MTARC1: variants seen among roughly 807,000 people sequenced by gnomAD.
MTARC1 encodes the protein mitochondrial amidoxime-reducing component 1.
MTARC1 carries 24 observed loss-of-function variants against 33.6 expected under a neutral mutation model. The ratio of observed to expected loss-of-function variants is 0.72; its 90% CI spans 0.52 to 1.01. The LOEUF is 1.01. Ranked by LOEUF, MTARC1 falls within the 50% of genes least tolerant of loss-of-function variation. The pLI is 0.00. For missense variants in MTARC1, 417 were observed against 445.7 expected, an observed-to-expected ratio of 0.94 and a Z score of 0.58; for synonymous variants, 187 against 189.5, an observed-to-expected ratio of 0.99 and a Z score of 0.11.
intron 6 of MTARC1, chr1:220,808,971 GGGTACTC>G: frequency 2.2e-6 from 1 of 450,776 alleles, no homozygotes; most frequent in Admixed American, 2.7e-5. Flanking sequence ...GTTACTGCAT[GGGTACTC>G]AAAAAAAAAA....
intron 1 of MTARC1, among the ~76,000 whole-genome samples, chr1:220,788,318 C>T (rs1265701013): frequency 6.6e-6 from 1 of 152,164 alleles, no homozygotes; most frequent in Non-Finnish European, 1.5e-5. Context: ...TATTGTGAGG[C>T]TGCACTTGAA....
In MTARC1 at chr1:220,815,549, T is replaced by A. The variant is rs1387305964; in HGVS notation, c.*2131T>A. ...CTCACAGTGTGAGGAAGATTCCTGT[T>A]TGAAGAGAGAAGTTCCAGTGACCTC... On this transcript the variant is annotated 3_prime_UTR_variant, in exon 7 of 7. Coordinates refer to ENST00000366910, the MANE Select transcript of MTARC1 (RefSeq NM_022746.4). 6.6e-6 allele frequency: 1 copy of A among 152,220 alleles called. No homozygotes were observed. 9.4% of individuals were successfully genotyped at this position (152,220 alleles called of 1,614,324 possible).
intron 1 of MTARC1, among the ~76,000 whole-genome samples, chr1:220,789,308 T>C (rs938906302): frequency 2.6e-5 from 4 of 152,136 alleles, no homozygotes; most frequent in Non-Finnish European, 4.4e-5. Context: ...GGATGGGGTA[T>C]GCTAGGGGAA....
intron 2 of MTARC1, among the ~76,000 whole-genome samples, chr1:220,795,938 T>C (rs1424814694): frequency 6.6e-6 from 1 of 152,304 alleles, no homozygotes; most frequent in East Asian, 1.9e-4. Context: ...GCAGTGGTAA[T>C]GGTCTTGCAT....
chr1:220,798,377 TGTTTA>T (rs1372910365), intron 4 of MTARC1: 1 of 1,189,174 alleles, frequency 8.4e-7, no homozygotes, highest in East Asian at 5.7e-5. Flanking sequence ...ATGGTCTTAC[TGTTTA>T]GTAGACGGCT....
At position 220,818,690 on chromosome 1, in the gene MTARC1, G is replaced by C. The variant is rs888837761; in HGVS notation, c.*5272G>C. 1.3e-5 allele frequency: 2 copies of C among 152,078 alleles called. No homozygotes were observed. Among genetic ancestry groups the C allele is most frequent in the Non-Finnish European group, 2.9e-5 (2 of 68,010 alleles). 9.4% of individuals were successfully genotyped at this position (152,078 alleles called of 1,614,324 possible). A position where few individuals can be genotyped will look rare whatever the true frequency, so the allele number is the denominator to read the frequency against. ...GGGAACTAAGTTAAGTCTAACTTTTGTCTCCCTCTTTAGAATTTACTGGGA... is the reference window on the plus strand; with the variant it reads ...GGGAACTAAGTTAAGTCTAACTTTTCTCTCCCTCTTTAGAATTTACTGGGA... On this transcript the variant is annotated 3_prime_UTR_variant, in exon 7 of 7. Transcript: ENST00000366910.
intron 4 of MTARC1, among the ~76,000 whole-genome samples, chr1:220,800,822 C>T (rs912537417): frequency 1.1e-4 from 17 of 152,222 alleles, no homozygotes; most frequent in Admixed American, 3.3e-4. Flanking sequence ...CCCCAAACTG[C>T]GAACCACCCC....
At chr1:220,787,257 G>A in intron 1 of MTARC1, 38 bp downstream of exon 1, 1 of 1,534,788 alleles carries the variant, frequency 6.5e-7, no homozygotes, top group Non-Finnish European at 8.7e-7. Flanking sequence ...CGCTGATCCG[G>A]CTCGGGGCAA....
chr1:220,803,814 C>T (rs1186605536), intron 4 of MTARC1, among the ~76,000 whole-genome samples: 1 of 151,788 alleles, frequency 6.6e-6, no homozygotes, highest in African/African-American at 2.4e-5. Flanking sequence ...TTTTTGTGAC[C>T]ATAGTGCCCC....
chr1:220,791,618 C>G lies in MTARC1; in HGVS notation c.403C>G (p.Leu135Val). ...CAGTGCAGCCTACACAAAGGACCTA[C>G]TACTGCCTATCAAAACGCCCACCAC... ...TLSAAYTKDL[L>V]LPIKTPTTNA... The change falls in exon 2 of 7, where the codon CTA becomes GTA. Residue 135 changes from leucine (L) to valine (V), a missense_variant. Physicochemically the swap from Leu to Val is conservative, Grantham distance 32 (BLOSUM62 1). Coordinates refer to ENST00000366910, the MANE Select transcript of MTARC1 (RefSeq NM_022746.4). 1.9e-6 allele frequency: 3 copies of G among 1,614,130 alleles called. No homozygotes were observed. Among genetic ancestry groups the G allele is most frequent in the Non-Finnish European group, 2.5e-6 (3 of 1,180,024 alleles).
chr1:220,788,281 G>A (rs1250290086), intron 1 of MTARC1, among the ~76,000 whole-genome samples: 1 of 152,146 alleles, frequency 6.6e-6, no homozygotes, highest in Non-Finnish European at 1.5e-5. Flanking sequence ...CCTCTTTAGG[G>A]TCTGGCTTCA....
intron 1 of MTARC1, among the ~76,000 whole-genome samples, chr1:220,788,367 C>T (rs918621914): frequency 1.3e-4 from 20 of 152,314 alleles, no homozygotes; most frequent in African/African-American, 4.6e-4. Flanking sequence ...CAGCAAGTAA[C>T]ACAGGACTAA....
At chr1:220,791,770 G>A (rs193075998) in intron 2 of MTARC1, 106 bp downstream of exon 2, 51 of 1,241,600 alleles carry the variant, frequency 4.1e-5, no homozygotes, top group Middle Eastern at 1.9e-4. Context: ...ATAATGAACC[G>A]TTGATTGCAT....
intron 1 of MTARC1, 26 bp downstream of exon 1, chr1:220,787,245 A>G: frequency 1.3e-6 from 2 of 1,546,808 alleles, no homozygotes; most frequent in Non-Finnish European, 1.7e-6. Flanking sequence ...GGCGCGGGGC[A>G]GCGCTGATCC....
intron 1 of MTARC1, among the ~76,000 whole-genome samples, chr1:220,787,636 T>C (rs1672276169): frequency 6.6e-6 from 1 of 152,066 alleles, no homozygotes; most frequent in African/African-American, 2.4e-5. Context: ...AAAGCTGAAC[T>C]GTAGAGTCCA....
intron 2 of MTARC1, chr1:220,793,552 T>A (rs1672503451): frequency 6.6e-6 from 1 of 152,202 alleles, no homozygotes; most frequent in African/African-American, 2.4e-5. Context: ...AGCTGTAACC[T>A]CAGCCCACAG....
intron 6 of MTARC1, among the ~76,000 whole-genome samples, chr1:220,811,980 G>C (rs1399598931): frequency 6.6e-6 from 1 of 152,192 alleles, no homozygotes; most frequent in African/African-American, 2.4e-5. Context: ...CTTGTGCCCT[G>C]ACATTACAGG....
intron 6 of MTARC1, 67 bp downstream of exon 6, chr1:220,805,341 T>C: frequency 6.4e-7 from 1 of 1,557,390 alleles, no homozygotes; most frequent in Non-Finnish European, 8.8e-7. Flanking sequence ...TATTTGTTGC[T>C]TAATGTTTAT....
intron 1 of MTARC1, among the ~76,000 whole-genome samples, chr1:220,788,242 C>T (rs572541652): frequency 2.6e-5 from 4 of 152,258 alleles, no homozygotes; most frequent in South Asian, 4.1e-4. Flanking sequence ...TCAGCGAAGG[C>T]TGCAAAACCC....
Sources: allele counts gnomAD v4.1 joint callset (sites outside exome capture counted in the v4.1 genomes callset), GRCh38; gene constraint gnomAD v4.1.1; transcripts MANE v1.5; gene names NCBI Gene and HGNC (gene_info 2026-07-23, HGNC 2026-07-21).